NXPH1: variants seen among roughly 807,000 people sequenced by gnomAD.
NXPH1 encodes neurexophilin-1.
In NXPH1, 5 loss-of-function variants were observed where a neutral mutation model predicts 23.7. The observed-to-expected ratio is 0.21, with a 90% confidence interval of 0.11 to 0.44. The LOEUF (loss-of-function observed/expected upper bound fraction) is 0.44. Among genes scored for constraint, NXPH1 ranks in the 20% least tolerant of loss-of-function variants. NXPH1 has a pLI of 0.99. For synonymous variants in NXPH1, 144 were observed against 122.2 expected, an observed-to-expected ratio of 1.18 and a Z score of -1.18; for missense variants, 324 against 321.6, an observed-to-expected ratio of 1.01 and a Z score of -0.06.
chr7:8,682,346 GT>G (rs1821068990), intron 2 of NXPH1, among the ~76,000 whole-genome samples: 1 of 152,182 alleles, frequency 6.6e-6, no homozygotes, highest in South Asian at 2.1e-4. Flanking sequence ...GATCAGGAGA[GT>G]ATGTGTTTTA....
At chr7:8,673,435 C>CA (rs1241573116) in intron 2 of NXPH1, among the ~76,000 whole-genome samples, 1 of 152,024 alleles carries the variant, frequency 6.6e-6, no homozygotes, top group Non-Finnish European at 1.5e-5. Flanking sequence ...GATATATACT[C>CA]AAAAATGGAA....
At chr7:8,547,714 A>G (rs964589612) in intron 2 of NXPH1, among the ~76,000 whole-genome samples, 1 of 151,258 alleles carries the variant, frequency 6.6e-6, no homozygotes, top group Non-Finnish European at 1.5e-5. Flanking sequence ...AAGTATACTC[A>G]TTGTTTAGTC....
chr7:8,676,549 G>T (rs1820956282), intron 2 of NXPH1, among the ~76,000 whole-genome samples: 1 of 152,168 alleles, frequency 6.6e-6, no homozygotes, highest in Non-Finnish European at 1.5e-5. Context: ...TCACAGAAAT[G>T]TGTGGATATA....
At chr7:8,517,200 T>C (rs1225548068) in intron 2 of NXPH1, among the ~76,000 whole-genome samples, 1 of 152,014 alleles carries the variant, frequency 6.6e-6, no homozygotes, top group Non-Finnish European at 1.5e-5. Flanking sequence ...GGCGGGTGAC[T>C]AGGCTGTTAC....
chr7:8,474,720 A>T (rs1250653626), intron 2 of NXPH1, among the ~76,000 whole-genome samples: 1 of 152,072 alleles, frequency 6.6e-6, no homozygotes, highest in Non-Finnish European at 1.5e-5. Context: ...CTGATCAGTC[A>T]CCTTTTTCTT....
intron 2 of NXPH1, among the ~76,000 whole-genome samples, chr7:8,495,027 G>C (rs1817312455): frequency 6.6e-6 from 1 of 152,062 alleles, no homozygotes; most frequent in Non-Finnish European, 1.5e-5. Flanking sequence ...TAAAATGGAA[G>C]TTTCAGCAAG....
intron 2 of NXPH1, among the ~76,000 whole-genome samples, chr7:8,628,370 GTTTT>G (rs5882180): frequency 1.5e-5 from 2 of 135,282 alleles, no homozygotes; most frequent in African/African-American, 5.3e-5. Context: ...ATGCATAGGT[GTTTT>G]TTTTTTTTTT....
At chr7:8,578,727 A>G (rs1818800841) in intron 2 of NXPH1, among the ~76,000 whole-genome samples, 1 of 152,226 alleles carries the variant, frequency 6.6e-6, no homozygotes, top group African/African-American at 2.4e-5. Flanking sequence ...TTACCAGAGC[A>G]TGCTTGCTGC....
intron 2 of NXPH1, among the ~76,000 whole-genome samples, chr7:8,657,608 TA>T: frequency 1.3e-5 from 2 of 152,244 alleles, no homozygotes; most frequent in Admixed American, 1.3e-4. Flanking sequence ...CAGCCTGGAG[TA>T]TAAGATTCAG....
At chr7:8,742,914 CA>C (rs1780391417) in intron 2 of NXPH1, among the ~76,000 whole-genome samples, 1 of 152,132 alleles carries the variant, frequency 6.6e-6, no homozygotes, top group Admixed American at 6.5e-5. Flanking sequence ...CATATCTCTT[CA>C]GTAAGCTGAA....
In NXPH1 at chr7:8,613,045, T is replaced by C. The variant is rs146204292; in HGVS notation, c.55-137963T>C. 2.2e-3 allele frequency among the ~76,000 whole-genome samples: 331 copies of C among 152,126 alleles called. 3 individuals are homozygous for C. Among genetic ancestry groups the C allele is most frequent in the African/African-American group, 7.4e-3 (309 of 41,542 alleles). ...AGTGTGTTGCCAAACTATAGGGATA[T>C]GTGTGTTTTTACTTATCACTCTGTA... On this transcript the variant is annotated intron_variant, in intron 2 of 2. Transcript: ENST00000405863.
rs144966814 is a variant in NXPH1, at chr7:8,607,704, T to A, written c.55-143304T>A. On this transcript the variant is annotated intron_variant, in intron 2 of 2. Coordinates refer to ENST00000405863, the MANE Select transcript of NXPH1 (RefSeq NM_152745.3). ...ATGTTGCTAGACCCCTTTGCTTTGTTATAATTGTGTTGGCTATGCCTTTAT... is the reference window on the plus strand; with the variant it reads ...ATGTTGCTAGACCCCTTTGCTTTGTAATAATTGTGTTGGCTATGCCTTTAT... 8.3e-4 allele frequency among the ~76,000 whole-genome samples: 126 copies of A among 152,322 alleles called. 2 individuals are homozygous for A. Among genetic ancestry groups the A allele is most frequent in the African/African-American group, 2.6e-3 (109 of 41,578 alleles).
At chr7:8,674,967 C>A (rs536810577) in intron 2 of NXPH1, among the ~76,000 whole-genome samples, 1 of 152,118 alleles carries the variant, frequency 6.6e-6, no homozygotes, top group African/African-American at 2.4e-5. Context: ...TATAATTGTT[C>A]TAAGCCAACT....
chr7:8,469,119 G>A (rs928801532), intron 2 of NXPH1, among the ~76,000 whole-genome samples: 5 of 151,882 alleles, frequency 3.3e-5, no homozygotes, highest in Non-Finnish European at 7.4e-5. Flanking sequence ...GTAGAAAAAG[G>A]ATGTCAATTT....
At chr7:8,648,535 C>A (rs1015439214) in intron 2 of NXPH1, among the ~76,000 whole-genome samples, 1 of 152,184 alleles carries the variant, frequency 6.6e-6, no homozygotes, top group South Asian at 2.1e-4. Flanking sequence ...ATTGTGTATA[C>A]ACACCACATT....
rs202242766 is a variant in NXPH1, at chr7:8,552,388, TAAAGA to T, written c.54+116625_54+116629del. Among the ~76,000 whole-genome samples, 551 of 151,548 alleles carry T rather than the reference TAAAGA, an allele frequency of 3.6e-3. 7 individuals carry two copies. The highest frequency in any genetic ancestry group is 0.014 in the East Asian group (72 of 5,094). ...TGTCTTAATTTTTTTTTCTTTTCTTTAAAGAAAATAATCAGTCAGCTTCTTAGGAG... is the reference window on the plus strand; with the variant it reads ...TGTCTTAATTTTTTTTTCTTTTCTTTAAATAATCAGTCAGCTTCTTAGGAG... On this transcript the variant is annotated intron_variant, in intron 2 of 2. Coordinates refer to ENST00000405863, the MANE Select transcript of NXPH1 (RefSeq NM_152745.3).
chr7:8,588,608 C>T (rs1366518775), intron 2 of NXPH1, among the ~76,000 whole-genome samples: 2 of 152,102 alleles, frequency 1.3e-5, no homozygotes, highest in Non-Finnish European at 2.9e-5. Flanking sequence ...GACTCTTTTT[C>T]ATTAGTTCCA....
intron 2 of NXPH1, among the ~76,000 whole-genome samples, chr7:8,690,994 C>T (rs1485970357): frequency 6.6e-6 from 1 of 152,070 alleles, no homozygotes; most frequent in African/African-American, 2.4e-5. Context: ...CTGAAGACTT[C>T]CTTTTAGTTA....
chr7:8,735,894 T>C (rs1428150942), intron 2 of NXPH1, among the ~76,000 whole-genome samples: 1 of 152,186 alleles, frequency 6.6e-6, no homozygotes, highest in Admixed American at 6.5e-5. Flanking sequence ...ATTTATCCAT[T>C]TTTTCTAGAT....
Sources: allele counts gnomAD v4.1 joint callset (sites outside exome capture counted in the v4.1 genomes callset), GRCh38; gene constraint gnomAD v4.1.1; transcripts MANE v1.5; gene names NCBI Gene and HGNC (gene_info 2026-07-23, HGNC 2026-07-21).